Variants in DIPK2B observed in about 807,000 individuals in gnomAD.
DIPK2B encodes the protein UPF0672 protein CXorf36.
A neutral mutation model predicts 22.2 loss-of-function variants in DIPK2B; 15 were observed. That is an observed-to-expected ratio of 0.68 (90% CI 0.45 to 1.04). DIPK2B has a LOEUF of 1.04. Among genes scored for constraint, DIPK2B ranks in the 50% least tolerant of loss-of-function variants. The pLI, the probability that DIPK2B is intolerant of heterozygous loss-of-function variation, is 0.00. For missense variants in DIPK2B, 345 were observed against 348.3 expected, an observed-to-expected ratio of 0.99 and a Z score of 0.08; for synonymous variants, 163 against 153.2, an observed-to-expected ratio of 1.06 and a Z score of -0.47.
intron 1 of DIPK2B, among the ~76,000 whole-genome samples, chrX:45,200,333 G>A (rs1012726700): frequency 1.8e-5 from 2 of 111,813 alleles, no homozygotes; most frequent in African/African-American, 3.3e-5. Flanking sequence ...AACAGTCCCA[G>A]GCTACTCCAT....
At chrX:45,172,225 G>A (rs1443822094) in intron 2 of DIPK2B, among the ~76,000 whole-genome samples, 1 of 112,140 alleles carries the variant, frequency 8.9e-6, no homozygotes, top group Non-Finnish European at 1.9e-5. Context: ...TTTAATTTCT[G>A]AGGAGGTTTC....
intron 1 of DIPK2B, among the ~76,000 whole-genome samples, chrX:45,198,971 C>G (rs954111354): frequency 9.0e-6 from 1 of 111,458 alleles, no homozygotes; most frequent in Non-Finnish European, 1.9e-5. Flanking sequence ...GCCAACACCA[C>G]CAGTCCGTCC....
At chrX:45,193,190 T>C in intron 1 of DIPK2B, among the ~76,000 whole-genome samples, 1 of 112,736 alleles carries the variant, frequency 8.9e-6, no homozygotes, top group Non-Finnish European at 1.9e-5. Context: ...ATGTTAAATC[T>C]CTTTTTGATT....
At chrX:45,190,876 C>T (rs1169261607) in intron 2 of DIPK2B, among the ~76,000 whole-genome samples, 1 of 112,298 alleles carries the variant, frequency 8.9e-6, no homozygotes, top group Non-Finnish European at 1.9e-5. Flanking sequence ...ACTGTTATTA[C>T]GGAAGTATCT....
chrX:45,198,531 T>A (rs913346456), intron 1 of DIPK2B, among the ~76,000 whole-genome samples: 1 of 111,202 alleles, frequency 9.0e-6, no homozygotes, highest in Admixed American at 9.5e-5. Flanking sequence ...CTAAGGGAGA[T>A]GAAGTAATAT....
In DIPK2B at chrX:45,149,012, C is replaced by T. The variant is rs1390580180; in HGVS notation, c.*2640G>A. 4.5e-5 allele frequency: 5 copies of T among 111,740 alleles called. No homozygotes were observed. Among genetic ancestry groups the T allele is most frequent in the Non-Finnish European group, 7.5e-5 (4 of 53,176 alleles). The allele number at this position is 111,740 out of a possible 1,213,427, so 9.2% of individuals were successfully genotyped here. A position where few individuals can be genotyped will look rare whatever the true frequency, so the allele number is the denominator to read the frequency against. ...AAGGAATGTTGCTCAGAATTTCAGG[C>T]GACTGGTCTGGAGGAGAGAAGGGGG... On this transcript the variant is annotated 3_prime_UTR_variant, in exon 5 of 5. Coordinates refer to ENST00000398000, the MANE Select transcript of DIPK2B (RefSeq NM_176819.4).
At chrX:45,171,273 G>A (rs1225301852) in intron 2 of DIPK2B, among the ~76,000 whole-genome samples, 1 of 110,880 alleles carries the variant, frequency 9.0e-6, no homozygotes, top group African/African-American at 3.3e-5. Flanking sequence ...CTTTTGCCAT[G>A]AAGATTCAAC....
At chrX:45,164,023 C>T (rs779422834) in intron 2 of DIPK2B, 5 of 994,227 alleles carry the variant, frequency 5.0e-6, no homozygotes, top group Admixed American at 4.9e-5. Flanking sequence ...TGCTGGTGGG[C>T]CTGTGTGTTG....
At chrX:45,166,183 A>G (rs1050981298) in intron 2 of DIPK2B, among the ~76,000 whole-genome samples, 1 of 111,740 alleles carries the variant, frequency 8.9e-6, no homozygotes, top group African/African-American at 3.3e-5. Context: ...AGATGCCATG[A>G]GTGAGGGTGA....
At chrX:45,157,439 C>G (rs996213580) in intron 3 of DIPK2B, among the ~76,000 whole-genome samples, 3 of 111,804 alleles carry the variant, frequency 2.7e-5, no homozygotes, top group Non-Finnish European at 3.8e-5. Context: ...AAGTCGGCCT[C>G]CTTCACAAAG....
chrX:45,193,779 G>A (rs2047224297), intron 1 of DIPK2B, among the ~76,000 whole-genome samples: 1 of 111,951 alleles, frequency 8.9e-6, no homozygotes, highest in South Asian at 3.8e-4. Flanking sequence ...CCATTTTACT[G>A]GAAGTTTCAG....
chrX:45,157,867 G>A lies in DIPK2B; in HGVS notation c.520C>T (p.Arg174Cys), dbSNP rs1214905060. The A allele has an allele frequency of 1.3e-5, 15 of 1,157,634 alleles. No homozygotes were observed. In the East Asian group the frequency reaches 4.6e-4, roughly 35 times the overall value. ...LVQGLASPLL[R>C]CPSQRLLDRV... is the part of the protein sequence containing the mutation. The stretch of plus-strand genomic sequence containing the variant: ...TCCAGGAGTCGCTGCGAAGGGCAGC[G>A]CAGGAGCGGGCTGGCCAGGCCCTAC... Residue 174 changes from arginine to cysteine, a missense_variant, in exon 3 of 5, where the codon CGC becomes TGC. Transcript: ENST00000398000.
chrX:45,174,098 C>G (rs776718876), intron 2 of DIPK2B, among the ~76,000 whole-genome samples: 3 of 111,694 alleles, frequency 2.7e-5, no homozygotes, highest in African/African-American at 9.8e-5. Context: ...AAGGCCTGAG[C>G]TGAGAAGGAG....
rs186153189 is a variant in DIPK2B, at chrX:45,179,790, T to G, written c.498+11961A>C. ...TAGAATTCAAGGTTGGTTTAATATTTGGAAATAAATCAATGCAATTTACCA... is the reference window on the plus strand; with the variant it reads ...TAGAATTCAAGGTTGGTTTAATATTGGGAAATAAATCAATGCAATTTACCA... On this transcript the variant is annotated intron_variant, in intron 2 of 4. Coordinates refer to ENST00000398000, the MANE Select transcript of DIPK2B (RefSeq NM_176819.4). Among the ~76,000 whole-genome samples the G allele has an allele frequency of 2.4e-4, 27 of 111,607 alleles. No individual in the cohort carries two copies. The Admixed American group carries it at 2.6e-3, about 11-fold the overall frequency.
At chrX:45,152,932 A>G (rs975291472) in intron 4 of DIPK2B, among the ~76,000 whole-genome samples, 1 of 111,995 alleles carries the variant, frequency 8.9e-6, no homozygotes, top group Non-Finnish European at 1.9e-5. Context: ...CTCTGTCTCA[A>G]AAACAAAAAT....
chrX:45,190,973 C>T (rs1395807483), intron 2 of DIPK2B, among the ~76,000 whole-genome samples: 2 of 112,678 alleles, frequency 1.8e-5, no homozygotes, highest in East Asian at 5.6e-4. Context: ...GTGTATCTTG[C>T]ACACCAGAAA....
intron 2 of DIPK2B, among the ~76,000 whole-genome samples, chrX:45,189,379 C>A (rs1333285952): frequency 9.0e-6 from 1 of 111,668 alleles, no homozygotes; most frequent in Non-Finnish European, 1.9e-5. Context: ...TTTGGGAGGC[C>A]GAGGTGGGCG....
intron 2 of DIPK2B, among the ~76,000 whole-genome samples, chrX:45,168,034 C>T (rs963252062): frequency 5.3e-5 from 6 of 112,608 alleles, no homozygotes; most frequent in Non-Finnish European, 9.4e-5. Context: ...AAAGTTGACA[C>T]CTCATAACTC....
In DIPK2B at chrX:45,157,867, G is replaced by T. The variant is rs1214905060; in HGVS notation, c.520C>A (p.Arg174Ser). 8.6e-7 allele frequency: 1 copy of T among 1,157,636 alleles called. No homozygotes were observed. Among genetic ancestry groups the T allele is most frequent in the South Asian group, 1.9e-5 (1 of 52,125 alleles). The change falls in exon 3 of 5, where the codon CGC becomes AGC. Residue 174 changes from arginine (R) to serine (S), a missense_variant. Physicochemically the swap from Arg to Ser is moderately radical, Grantham distance 110. Transcript: ENST00000398000. The part of the protein sequence containing the change: ...LVQGLASPLL[R>S]CPSQRLLDRV... ...TCCAGGAGTCGCTGCGAAGGGCAGC[G>T]CAGGAGCGGGCTGGCCAGGCCCTAC...
Sources: allele counts gnomAD v4.1 joint callset (sites outside exome capture counted in the v4.1 genomes callset), GRCh38; gene constraint gnomAD v4.1.1; transcripts MANE v1.5; gene names NCBI Gene and HGNC (gene_info 2026-07-23, HGNC 2026-07-21).